Variants in MED28 observed in about 807,000 individuals in gnomAD.
The protein encoded by MED28 is mediator complex subunit 28, also known as mediator of RNA polymerase II transcription subunit 28.
Under a neutral mutation model 21.3 loss-of-function variants are expected in MED28, and 26 were observed. That is an observed-to-expected ratio of 1.22 (90% CI 0.89 to 1.69). MED28 has a LOEUF of 1.69. Among genes scored for constraint, MED28 ranks in the 40% most tolerant of loss-of-function variants. The pLI is 0.00. For synonymous variants in MED28, 110 were observed against 87.6 expected, an observed-to-expected ratio of 1.26 and a Z score of -1.43; for missense variants, 257 against 215.4, an observed-to-expected ratio of 1.19 and a Z score of -1.21.
At chr4:17,615,121 C>T (rs774669988) in intron 1 of MED28, among the ~76,000 whole-genome samples, 1 of 152,212 alleles carries the variant, frequency 6.6e-6, no homozygotes, top group Non-Finnish European at 1.5e-5. Context: ...TCTTGCATCC[C>T]TGCATGTTTA....
Position 17,616,677 on chromosome 4 carries a change from G to A in MED28, c.159+1864G>A, listed in dbSNP as rs75179660. Among the ~76,000 whole-genome samples the A allele has an allele frequency of 5.3e-5, 8 of 152,242 alleles. No homozygotes were observed. The East Asian group carries it at 1.5e-3, about 29-fold the overall frequency. On this transcript the variant is annotated intron_variant, in intron 1 of 3. Coordinates refer to ENST00000237380, the MANE Select transcript of MED28 (RefSeq NM_025205.5). ...CACTTCCTCAGTGGACCCTTCCCTG[G>A]CCTTCTTTTTAATACTTACCATTAA...
rs1379323574 is a variant in MED28, at chr4:17,623,793, A to G, written c.532A>G (p.Thr178Ala). 4 of 1,613,172 alleles carry G rather than the reference A, an allele frequency of 2.5e-6. No homozygotes were observed. The highest frequency in any genetic ancestry group is 2.7e-5 in the African/African-American group (2 of 74,928). Reference sequence around the variant, plus strand: ...CAACATCCCTGCACCTCTGAAGCCAACGTGAGCAAAGGGCAGAGGCAGTTG... The same window carrying G: ...CAACATCCCTGCACCTCTGAAGCCAGCGTGAGCAAAGGGCAGAGGCAGTTG... The part of the protein sequence containing the change: ...SANIPAPLKP[T>A] The change falls in exon 4 of 4, where the codon ACG becomes GCG. Residue 178 changes from threonine (T) to alanine (A), a missense_variant. By Grantham distance (58) the Thr-to-Ala change is moderately conservative. Coordinates refer to ENST00000237380, the MANE Select transcript of MED28 (RefSeq NM_025205.5).
chr4:17,631,465 A>G lies in MED28; in HGVS notation c.*7667A>G, dbSNP rs926318493. 3 of 152,238 alleles carry G rather than the reference A, an allele frequency of 2.0e-5. No homozygotes were observed. Among genetic ancestry groups the G allele is most frequent in the African/African-American group, 7.2e-5 (3 of 41,456 alleles). 9.4% of individuals were successfully genotyped at this position (152,238 alleles called of 1,614,324 possible). ...CAGGCATGAGCCATGTGCCCAGTCT[A>G]GAAGATCTTTGACTTCAAAGAACAG... On this transcript the variant is annotated 3_prime_UTR_variant, in exon 4 of 4. Transcript: ENST00000237380.
Position 17,626,051 on chromosome 4 carries a change from T to G in MED28, c.*2253T>G, listed in dbSNP as rs986169799. 6.4e-6 allele frequency: 1 copy of G among 155,144 alleles called. No individual in the cohort carries two copies. Among genetic ancestry groups the G allele is most frequent in the African/African-American group, 2.4e-5 (1 of 41,516 alleles). The allele number at this position is 155,144 out of a possible 1,614,324, so 9.6% of individuals were successfully genotyped here. Reference sequence around the variant, plus strand: ...AAAATAGGGATAAGACTAGGACCTATTCCCCAGGATTACTTCTGCAGATTA... The same window carrying G: ...AAAATAGGGATAAGACTAGGACCTAGTCCCCAGGATTACTTCTGCAGATTA... On this transcript the variant is annotated 3_prime_UTR_variant, in exon 4 of 4. Coordinates refer to ENST00000237380, the MANE Select transcript of MED28 (RefSeq NM_025205.5).
In MED28 at chr4:17,633,907, A is replaced by C; in HGVS notation, c.*10109A>C. Reference sequence around the variant, plus strand: ...TCTTTTTCTGTTTGTATTAATGGACAGGTTAGTGCAATGCAATGCAAAAAA... The same window carrying C: ...TCTTTTTCTGTTTGTATTAATGGACCGGTTAGTGCAATGCAATGCAAAAAA... On this transcript the variant is annotated 3_prime_UTR_variant, in exon 4 of 4. Transcript: ENST00000237380. The C allele has an allele frequency of 2.0e-6, 3 of 1,490,118 alleles. No homozygotes were observed. Among genetic ancestry groups the C allele is most frequent in the Non-Finnish European group, 2.7e-6 (3 of 1,115,482 alleles). 92.3% of individuals were successfully genotyped at this position (1,490,118 alleles called of 1,614,324 possible). A position where few individuals can be genotyped will look rare whatever the true frequency, so the allele number is the denominator to read the frequency against.
rs1165408430 is a variant in MED28 at position 17,630,608 on chromosome 4, A to G, written c.*6810A>G. 2.0e-5 allele frequency: 3 copies of G among 152,206 alleles called. No individual in the cohort carries two copies. The highest frequency in any genetic ancestry group is 6.5e-5 in the Admixed American group (1 of 15,280). The allele number at this position is 152,206 out of a possible 1,614,324, so 9.4% of individuals were successfully genotyped here. A position where few individuals can be genotyped will look rare whatever the true frequency, so the allele number is the denominator to read the frequency against. On this transcript the variant is annotated 3_prime_UTR_variant, in exon 4 of 4. Transcript: ENST00000237380. ...TTGTTAGAGCAGCCTGAACGAACTAAGACACTCTAAGCGGGAAACTCACAA... is the reference window on the plus strand; with the variant it reads ...TTGTTAGAGCAGCCTGAACGAACTAGGACACTCTAAGCGGGAAACTCACAA...
At chr4:17,617,922 T>C (rs1714499662) in intron 1 of MED28, among the ~76,000 whole-genome samples, 1 of 151,878 alleles carries the variant, frequency 6.6e-6, no homozygotes, top group African/African-American at 2.4e-5. Flanking sequence ...AAAATATATG[T>C]TCTCTTTCTA....
chr4:17,615,955 C>G (rs756674024), intron 1 of MED28, among the ~76,000 whole-genome samples: 11 of 152,198 alleles, frequency 7.2e-5, no homozygotes, highest in Middle Eastern at 6.8e-3. Context: ...CACGGATGTA[C>G]AAAGATTTAG....
intron 1 of MED28, among the ~76,000 whole-genome samples, chr4:17,616,386 G>C (rs111774009): frequency 1.2e-3 from 186 of 152,344 alleles, no homozygotes; most frequent in African/African-American, 3.8e-3. Context: ...GAGGGGAGCT[G>C]GCTCTCAGTC....
chr4:17,623,529 C>G, intron 3 of MED28, 72 bp from the exon 4 acceptor site: 6 of 1,448,930 alleles, frequency 4.1e-6, no homozygotes, highest in Admixed American at 1.7e-5. Flanking sequence ...AATTGTTAGC[C>G]TCTTAACTAA....
chr4:17,629,629 T>TC lies in MED28; in HGVS notation c.*5831_*5832insC, dbSNP rs1714866436. 1 of 152,168 alleles carries TC rather than the reference T, an allele frequency of 6.6e-6. No homozygotes were observed. Among genetic ancestry groups the TC allele is most frequent in the Non-Finnish European group, 1.5e-5 (1 of 68,026 alleles). 9.4% of individuals were successfully genotyped at this position (152,168 alleles called of 1,614,324 possible). ...TAATACAGCCTGAAGAGATTTACCA[T>TC]TAAATACTGTTTTTTTCTCTCTCTT... On this transcript the variant is annotated 3_prime_UTR_variant, in exon 4 of 4. Coordinates refer to ENST00000237380, the MANE Select transcript of MED28 (RefSeq NM_025205.5).
At position 17,624,055 on chromosome 4, in the gene MED28, G is replaced by C. The variant is rs946881898; in HGVS notation, c.*257G>C. ...TTAGCAAAGTTTAGACTGTGAATAT[G>C]ATGACACAGATTCTTTTTTATGGTG... On this transcript the variant is annotated 3_prime_UTR_variant, in exon 4 of 4. Coordinates refer to ENST00000237380, the MANE Select transcript of MED28 (RefSeq NM_025205.5). 6.2e-5 allele frequency: 28 copies of C among 452,326 alleles called. No individual in the cohort carries two copies. In the East Asian group the frequency reaches 1.0e-3, roughly 17 times the overall value. The allele number at this position is 452,326 out of a possible 1,614,324, so 28.0% of individuals were successfully genotyped here.
chr4:17,619,074 C>T (rs1336087006), intron 1 of MED28, among the ~76,000 whole-genome samples: 1 of 152,234 alleles, frequency 6.6e-6, no homozygotes, highest in Non-Finnish European at 1.5e-5. Flanking sequence ...TTTCTAACTC[C>T]TTTTCCAACT....
rs1402748430 is a variant in MED28, at chr4:17,625,745, T to TC, written c.*1951dup. On this transcript the variant is annotated 3_prime_UTR_variant, in exon 4 of 4. Transcript: ENST00000237380. ...AAAATCACAAGCCATCTTCTCAAGT[T>TC]CCCCTAGAAACCTGTGGAATGCCCT... 5 of 431,852 alleles carry TC rather than the reference T, an allele frequency of 1.2e-5. No homozygotes were observed. Among genetic ancestry groups the TC allele is most frequent in the Non-Finnish European group, 4.6e-6 (1 of 218,562 alleles). 26.8% of individuals were successfully genotyped at this position (431,852 alleles called of 1,614,324 possible).
At chr4:17,614,874 C>T in intron 1 of MED28, 61 bp downstream of exon 1, 1 of 1,511,266 alleles carries the variant, frequency 6.6e-7, no homozygotes. Flanking sequence ...ACGTGAACTG[C>T]GCGTACGCGT....
intron 2 of MED28, 102 bp from the exon 3 acceptor site, chr4:17,621,485 A>C (rs778981563): frequency 1.3e-6 from 1 of 742,436 alleles, no homozygotes; most frequent in Non-Finnish European, 2.1e-6. Context: ...TGAGTTGTCT[A>C]TGAGAGGGCT....
rs1714811669 is a variant in MED28, at chr4:17,627,998, TAA to T, written c.*4201_*4202del. The stretch of plus-strand genomic sequence containing the variant: ...TCTTCTGTTTCCTCTCCCCTTTCTC[TAA>T]CATAGGTGTTTCTCCTGAGAAAGAA... On this transcript the variant is annotated 3_prime_UTR_variant, in exon 4 of 4. Coordinates refer to ENST00000237380, the MANE Select transcript of MED28 (RefSeq NM_025205.5). The T allele has an allele frequency of 6.6e-6, 1 of 152,166 alleles. No individual in the cohort carries two copies. The highest frequency in any genetic ancestry group is 1.5e-5 in the Non-Finnish European group (1 of 68,072). The allele number at this position is 152,166 out of a possible 1,614,324, so 9.4% of individuals were successfully genotyped here. A position where few individuals can be genotyped will look rare whatever the true frequency, so the allele number is the denominator to read the frequency against.
At chr4:17,620,159 A>T in intron 2 of MED28, 192 bp downstream of exon 2, 1 of 585,808 alleles carries the variant, frequency 1.7e-6, no homozygotes, top group Non-Finnish European at 3.0e-6. Flanking sequence ...ACCCATAACG[A>T]ATCATTTATA....
chr4:17,629,459 G>T lies in MED28; in HGVS notation c.*5661G>T, dbSNP rs1402862396. Reference sequence around the variant, plus strand: ...ATTACATCAGTGTTAGAGCAGTTAAGGGCTCAGGTATGTGGTGTGCAGCCA... The same window carrying T: ...ATTACATCAGTGTTAGAGCAGTTAATGGCTCAGGTATGTGGTGTGCAGCCA... On this transcript the variant is annotated 3_prime_UTR_variant, in exon 4 of 4. Coordinates refer to ENST00000237380, the MANE Select transcript of MED28 (RefSeq NM_025205.5). 6.6e-6 allele frequency: 1 copy of T among 152,186 alleles called. No homozygotes were observed. The highest frequency in any genetic ancestry group is 1.9e-4 in the East Asian group (1 of 5,194). The allele number at this position is 152,186 out of a possible 1,614,324, so 9.4% of individuals were successfully genotyped here.
Sources: allele counts gnomAD v4.1 joint callset (sites outside exome capture counted in the v4.1 genomes callset), GRCh38; gene constraint gnomAD v4.1.1; transcripts MANE v1.5; gene names NCBI Gene and HGNC (gene_info 2026-07-23, HGNC 2026-07-21).